PPM1E: variants seen among roughly 807,000 people sequenced by gnomAD.
PPM1E encodes the protein protein phosphatase 1E.
A neutral mutation model predicts 65.9 loss-of-function variants in PPM1E; 20 were observed. The observed-to-expected ratio is 0.30, with a 90% CI of 0.21 to 0.44. The LOEUF is 0.44. Among genes scored for constraint, PPM1E ranks in the 20% least tolerant of loss-of-function variants. PPM1E has a pLI of 1.00. For synonymous variants in PPM1E, 352 were observed against 374.9 expected, an observed-to-expected ratio of 0.94 and a Z score of 0.70; for missense variants, 713 against 953.1, an observed-to-expected ratio of 0.75 and a Z score of 3.32.
intron 1 of PPM1E, among the ~76,000 whole-genome samples, chr17:58,775,783 G>T (rs946214761): frequency 2.0e-5 from 3 of 150,096 alleles, no homozygotes; most frequent in African/African-American, 7.3e-5. Flanking sequence ...GCGCGGTGGC[G>T]GGCGCCTGTA....
intron 1 of PPM1E, among the ~76,000 whole-genome samples, chr17:58,798,628 G>T (rs1470478878): frequency 6.7e-6 from 1 of 148,618 alleles, no homozygotes; most frequent in Non-Finnish European, 1.5e-5. Context: ...CTGCTTTGCT[G>T]CCCTACTAAA....
intron 1 of PPM1E, among the ~76,000 whole-genome samples, chr17:58,942,909 G>A (rs2052094040): frequency 6.6e-6 from 1 of 151,948 alleles, no homozygotes; most frequent in Admixed American, 6.6e-5. Flanking sequence ...TGTAATCCCA[G>A]TTACTCAGGA....
chr17:58,787,840 G>T (rs1185415114), intron 1 of PPM1E, among the ~76,000 whole-genome samples: 1 of 150,182 alleles, frequency 6.7e-6, no homozygotes, highest in Non-Finnish European at 1.5e-5. Flanking sequence ...CTGGGAGGTG[G>T]AGCTTGCAGT....
chr17:58,760,545 T>A (rs968132501), intron 1 of PPM1E, among the ~76,000 whole-genome samples: 1 of 152,230 alleles, frequency 6.6e-6, no homozygotes, highest in African/African-American at 2.4e-5. Flanking sequence ...TTGCCAGTCT[T>A]ACCCTTCTGC....
rs749465016 is a variant in PPM1E, at chr17:58,980,463, C to G, written c.1700C>G (p.Pro567Arg). Reference protein sequence around the residue: ...PGSQINVLEDPGYLDLTQIEA... With the variant: ...PGSQINVLEDRGYLDLTQIEA... ...TCCCAAATCAACGTGCTGGAAGACC[C>G]AGGCTACCTAGATCTCACACAAATA... The change falls in exon 7 of 7, where the codon CCA (proline) becomes CGA (arginine). Residue 567 changes from proline to arginine, a missense_variant. Physicochemically the swap from Pro to Arg is moderately radical, Grantham distance 103 (BLOSUM62 -2). Coordinates refer to ENST00000308249, the MANE Select transcript of PPM1E (RefSeq NM_014906.5). This position sits in a 1 kb window ranked among gnomAD's most constrained non-coding sequence, Gnocchi z 4.7. The G allele has an allele frequency of 1.5e-5, 24 of 1,614,000 alleles. No individual in the cohort carries two copies. In the South Asian group the frequency reaches 2.4e-4, roughly 16 times the overall value.
intron 1 of PPM1E, among the ~76,000 whole-genome samples, chr17:58,901,962 G>A (rs1358713204): frequency 6.6e-6 from 1 of 151,968 alleles, no homozygotes; most frequent in East Asian, 1.9e-4. Context: ...GGCAACAAGA[G>A]TGAAACTCCT....
At chr17:58,827,908 A>AT (rs1314413730) in intron 1 of PPM1E, among the ~76,000 whole-genome samples, 2 of 146,998 alleles carry the variant, frequency 1.4e-5, no homozygotes, top group East Asian at 4.0e-4. Context: ...TCTCAAAAAA[A>AT]AAAAATAATA....
chr17:58,972,405 C>T (rs1435563589), intron 5 of PPM1E, 130 bp downstream of exon 5: 2 of 1,011,216 alleles, frequency 2.0e-6, no homozygotes, highest in Non-Finnish European at 2.8e-6. Flanking sequence ...GGCTGGAGTG[C>T]AATGGTGTGA....
At chr17:58,920,987 A>G (rs2051742822) in intron 1 of PPM1E, among the ~76,000 whole-genome samples, 1 of 152,228 alleles carries the variant, frequency 6.6e-6, no homozygotes. Flanking sequence ...AAAGTGAAAC[A>G]AAAAGGTTTC....
rs549211852 is a variant in PPM1E, at chr17:58,827,913, A to C, written c.464+71452A>C. ...CGAGACTCCATCTCAAAAAAAAAAA[A>C]TAATAATAATAATAATAATAATTGG... On this transcript the variant is annotated intron_variant, in intron 1 of 6. Coordinates refer to ENST00000308249, the MANE Select transcript of PPM1E (RefSeq NM_014906.5). 2.0e-3 allele frequency among the ~76,000 whole-genome samples: 257 copies of C among 126,010 alleles called. 1 individual carries two copies. The highest frequency in any genetic ancestry group is 7.5e-3 in the African/African-American group (244 of 32,644). 82.7% of individuals were successfully genotyped at this position (126,010 alleles called of 152,430 possible).
chr17:58,852,372 G>C (rs961483223), intron 1 of PPM1E, among the ~76,000 whole-genome samples: 10 of 152,126 alleles, frequency 6.6e-5, no homozygotes, highest in African/African-American at 2.4e-4. Context: ...GACTGGAGCT[G>C]TTCTTATTTG....
chr17:58,829,016 CTA>C (rs1567846396), intron 1 of PPM1E, among the ~76,000 whole-genome samples: 1 of 152,002 alleles, frequency 6.6e-6, no homozygotes, highest in African/African-American at 2.4e-5. Context: ...AACTGAGCCA[CTA>C]TATACTGTGT....
chr17:58,864,964 G>A (rs893814664), intron 1 of PPM1E, among the ~76,000 whole-genome samples: 1 of 152,086 alleles, frequency 6.6e-6, no homozygotes, highest in Non-Finnish European at 1.5e-5. Flanking sequence ...AGATAATCTA[G>A]CATGATCTGC....
At chr17:58,771,654 A>C (rs2049940286) in intron 1 of PPM1E, among the ~76,000 whole-genome samples, 1 of 147,590 alleles carries the variant, frequency 6.8e-6, no homozygotes, top group African/African-American at 2.5e-5. Flanking sequence ...GATAAAAAAG[A>C]AAGAAAAGGA....
At chr17:58,884,854 C>T (rs1023209236) in intron 1 of PPM1E, among the ~76,000 whole-genome samples, 11 of 151,626 alleles carry the variant, frequency 7.3e-5, no homozygotes, top group African/African-American at 2.7e-4. Flanking sequence ...CATAGTATAC[C>T]CTTAATGAAT....
intron 1 of PPM1E, among the ~76,000 whole-genome samples, chr17:58,916,016 C>G (rs567903121): frequency 5.7e-4 from 87 of 152,164 alleles, no homozygotes; most frequent in Admixed American, 3.3e-3. Flanking sequence ...TGTGGTTTTT[C>G]TTATTTGTTT....
chr17:58,793,231 T>C (rs755365704), intron 1 of PPM1E, among the ~76,000 whole-genome samples: 8 of 152,120 alleles, frequency 5.3e-5, no homozygotes, highest in Non-Finnish European at 1.2e-4. Flanking sequence ...CTGATTCCCA[T>C]GATCTTTCTG....
chr17:58,790,740 A>G (rs1314680770), intron 1 of PPM1E, among the ~76,000 whole-genome samples: 4 of 152,126 alleles, frequency 2.6e-5, no homozygotes, highest in Admixed American at 1.3e-4. Flanking sequence ...GGCCAGAATC[A>G]ACTGGTCCTG....
chr17:58,940,572 C>T (rs544045644), intron 1 of PPM1E, among the ~76,000 whole-genome samples: 3 of 152,138 alleles, frequency 2.0e-5, no homozygotes, highest in Non-Finnish European at 4.4e-5. Context: ...TGGTTCTTGC[C>T]TTATTCTCTA....
Sources: gnomAD v4.1 joint callset for allele counts (sites outside exome capture counted in the v4.1 genomes callset) on GRCh38, gnomAD v4.1.1 for gene constraint, Gnocchi (gnomAD v3.1) non-coding constraint, MANE v1.5 for transcripts, NCBI Gene and HGNC (gene_info 2026-07-23, HGNC 2026-07-21) for gene names.